CDH13: variants seen among roughly 807,000 people sequenced by gnomAD.
CDH13 encodes cadherin 13.
CDH13 carries 24 observed loss-of-function variants against 63.8 expected under a neutral mutation model. That is an observed-to-expected ratio of 0.38 (90% CI 0.27 to 0.53). CDH13 has a LOEUF of 0.53. Among genes scored for constraint, CDH13 ranks in the 20% least tolerant of loss-of-function variants. The probability of loss-of-function intolerance (pLI) is 0.85; values close to 1 mark genes in which losing one functional copy is unlikely to be tolerated. For missense variants in CDH13, 1,049 were observed against 903.1 expected (o/e 1.16, Z -2.07); for synonymous variants, 503 against 355.3 (o/e 1.42, Z -4.67).
chr16:83,285,064 C>G (rs1410724927), intron 5 of CDH13, among the ~76,000 whole-genome samples: 2 of 152,104 alleles, frequency 1.3e-5, no homozygotes, highest in Non-Finnish European at 2.9e-5. Context: ...ATTTCTTTCT[C>G]CTTGGGTTTT....
chr16:82,715,902 C>A (rs1223750023), intron 1 of CDH13, among the ~76,000 whole-genome samples: 1 of 152,226 alleles, frequency 6.6e-6, no homozygotes, highest in Non-Finnish European at 1.5e-5. Flanking sequence ...GCCCTTTCTT[C>A]TTTAGCCACA....
chr16:83,344,558 G>A (rs1316256848), intron 5 of CDH13, among the ~76,000 whole-genome samples: 4 of 152,286 alleles, frequency 2.6e-5, no homozygotes, highest in Non-Finnish European at 2.9e-5. Context: ...TGATACAAGC[G>A]TAATTTCTTG....
chr16:83,562,760 A>G (rs1013053890), intron 7 of CDH13, among the ~76,000 whole-genome samples: 3 of 152,200 alleles, frequency 2.0e-5, no homozygotes, highest in African/African-American at 7.2e-5. Flanking sequence ...TCTTGAAGGG[A>G]GGAGAATATC....
At chr16:83,280,518 G>T (rs948982434) in intron 5 of CDH13, among the ~76,000 whole-genome samples, 1 of 152,156 alleles carries the variant, frequency 6.6e-6, no homozygotes, top group Non-Finnish European at 1.5e-5. Context: ...CATCCATGAG[G>T]GTTGGAATCA....
chr16:83,254,080 C>A (rs947534211), intron 5 of CDH13, among the ~76,000 whole-genome samples: 1 of 152,246 alleles, frequency 6.6e-6, no homozygotes, highest in South Asian at 2.1e-4. Flanking sequence ...GTTCCTTTGA[C>A]CCAAAGATGG....
chr16:83,369,539 C>T (rs1051977346), intron 6 of CDH13, among the ~76,000 whole-genome samples: 10 of 152,152 alleles, frequency 6.6e-5, no homozygotes, highest in African/African-American at 2.4e-4. Context: ...CCACCTCAGC[C>T]TCCCCAGCAG....
chr16:83,060,667 C>T (rs1013562427), intron 3 of CDH13, among the ~76,000 whole-genome samples: 16 of 152,208 alleles, frequency 1.1e-4, no homozygotes, highest in Admixed American at 2.6e-4. Flanking sequence ...CATGCCTAAC[C>T]GCAGTGCAAT....
intron 3 of CDH13, among the ~76,000 whole-genome samples, chr16:83,087,005 C>A (rs6565116): frequency 6.6e-6 from 1 of 151,874 alleles, no homozygotes; most frequent in Non-Finnish European, 1.5e-5. Context: ...AATACACAAC[C>A]GCAAAACTGG....
At chr16:82,654,387 C>T (rs1006959180) in intron 1 of CDH13, among the ~76,000 whole-genome samples, 4 of 152,166 alleles carry the variant, frequency 2.6e-5, no homozygotes, top group African/African-American at 4.8e-5. Context: ...TTGTTTTGAG[C>T]CAAGCATATA....
chr16:83,613,931 T>C (rs1909072722), intron 8 of CDH13, among the ~76,000 whole-genome samples: 1 of 152,238 alleles, frequency 6.6e-6, no homozygotes, highest in African/African-American at 2.4e-5. Flanking sequence ...GCTGAAATTC[T>C]ACATTTTACC....
intron 1 of CDH13, chr16:82,844,766 A>C (rs1228965916): frequency 1.3e-4 from 19 of 142,404 alleles, no homozygotes; most frequent in African/African-American, 4.5e-4. Flanking sequence ...CAGCCTCCTG[A>C]GTATCTGGGA....
At chr16:83,334,867 C>T (rs1317424822) in intron 5 of CDH13, among the ~76,000 whole-genome samples, 1 of 152,166 alleles carries the variant, frequency 6.6e-6, no homozygotes, top group Non-Finnish European at 1.5e-5. Context: ...TCGTGATGAT[C>T]TAATTGGACC....
chr16:82,863,445 G>T (rs952507973), intron 2 of CDH13, among the ~76,000 whole-genome samples: 2 of 152,170 alleles, frequency 1.3e-5, no homozygotes, highest in African/African-American at 4.8e-5. Flanking sequence ...AGATCACACA[G>T]TTTTAAACTC....
intron 4 of CDH13, among the ~76,000 whole-genome samples, chr16:83,128,786 A>C (rs538194545): frequency 2.6e-5 from 4 of 152,280 alleles, no homozygotes; most frequent in South Asian, 4.1e-4. Context: ...TTACAGCTTC[A>C]AAAAGCAATT....
At chr16:83,543,659 T>C (rs2075332600) in intron 7 of CDH13, among the ~76,000 whole-genome samples, 1 of 152,294 alleles carries the variant, frequency 6.6e-6, no homozygotes. Context: ...GGGACAGACA[T>C]TAGAGACATG....
intron 4 of CDH13, among the ~76,000 whole-genome samples, chr16:83,130,175 G>C (rs1465988314): frequency 6.6e-6 from 1 of 152,176 alleles, no homozygotes; most frequent in Non-Finnish European, 1.5e-5. Flanking sequence ...GTCATTATTT[G>C]TCCAGCACTG....
intron 7 of CDH13, among the ~76,000 whole-genome samples, chr16:83,516,507 G>A (rs1462436372): frequency 2.0e-5 from 3 of 152,118 alleles, no homozygotes; most frequent in African/African-American, 7.2e-5. Context: ...GCAATTTGTG[G>A]GAAACAATTC....
rs71148833 is a variant in CDH13, at chr16:83,426,907, C to CTTTTTTTTTTTTTT, written c.782-59551_782-59538dup. On this transcript the variant is annotated intron_variant, in intron 6 of 13. Coordinates refer to ENST00000567109, the MANE Select transcript of CDH13 (RefSeq NM_001257.5). ...TCAGAATCTATAAATATGTTTCTTTCTTTTTTTTTTTTTTTTTTTTTTTTT... is the reference window on the plus strand; with the variant it reads ...TCAGAATCTATAAATATGTTTCTTTCTTTTTTTTTTTTTTTTTTTTTTTTTTTTTTTTTTTTTTT... Among the ~76,000 whole-genome samples the CTTTTTTTTTTTTTT allele has an allele frequency of 1.1e-4, 7 of 63,184 alleles. 2 individuals are homozygous for CTTTTTTTTTTTTTT. The highest frequency in any genetic ancestry group is 3.5e-4 in the African/African-American group (5 of 14,128). 41.5% of individuals were successfully genotyped at this position (63,184 alleles called of 152,430 possible).
intron 6 of CDH13, among the ~76,000 whole-genome samples, chr16:83,413,463 C>A (rs998163591): frequency 6.6e-6 from 1 of 152,196 alleles, no homozygotes; most frequent in Admixed American, 6.5e-5. Flanking sequence ...CTAATCATCC[C>A]TTTGCTGAGC....
Sources: allele counts gnomAD v4.1 joint callset (sites outside exome capture counted in the v4.1 genomes callset), GRCh38; gene constraint gnomAD v4.1.1; transcripts MANE v1.5; gene names NCBI Gene and HGNC (gene_info 2026-07-23, HGNC 2026-07-21).